Variants in CDH12 observed in about 807,000 individuals in gnomAD.
CDH12 encodes the protein cadherin-12.
Under a neutral mutation model 74.1 loss-of-function variants are expected in CDH12, and 41 were observed. That is an observed-to-expected ratio of 0.55 (90% CI 0.43 to 0.72). CDH12 has a LOEUF of 0.72. CDH12 is among the 30% of genes least tolerant of loss of function. The pLI is 0.00. For synonymous variants in CDH12, 399 were observed against 355.0 expected (o/e 1.12, Z -1.39); for missense variants, 945 against 977.2 (o/e 0.97, Z 0.44).
At chr5:22,456,363 G>C (rs1172428607) in intron 2 of CDH12, among the ~76,000 whole-genome samples, 3 of 151,636 alleles carry the variant, frequency 2.0e-5, no homozygotes, top group Non-Finnish European at 4.4e-5. Context: ...AGTGTGTATT[G>C]ACTCCTGTAC....
intron 4 of CDH12, among the ~76,000 whole-genome samples, chr5:22,132,872 A>C (rs1746252640): frequency 6.6e-6 from 1 of 152,088 alleles, no homozygotes; most frequent in Non-Finnish European, 1.5e-5. Flanking sequence ...AATTCCAAGG[A>C]GCCACTGCCT....
At chr5:22,505,631 A>G (rs910997021) in intron 1 of CDH12, among the ~76,000 whole-genome samples, 4 of 151,990 alleles carry the variant, frequency 2.6e-5, no homozygotes, top group African/African-American at 9.7e-5. Flanking sequence ...ATCCAAATGA[A>G]CCAATATTGA....
At chr5:22,225,863 A>G (rs1752176749) in intron 3 of CDH12, among the ~76,000 whole-genome samples, 1 of 152,122 alleles carries the variant, frequency 6.6e-6, no homozygotes, top group African/African-American at 2.4e-5. Context: ...AAAGTGAATC[A>G]TTTATAATGT....
chr5:22,038,526 T>A (rs571060818), intron 5 of CDH12, among the ~76,000 whole-genome samples: 1 of 152,284 alleles, frequency 6.6e-6, no homozygotes, highest in Admixed American at 6.5e-5. Flanking sequence ...CCATCTACTT[T>A]TCTCAATCCT....
chr5:22,387,616 T>C (rs933523095), intron 3 of CDH12, among the ~76,000 whole-genome samples: 1 of 152,180 alleles, frequency 6.6e-6, no homozygotes, highest in Non-Finnish European at 1.5e-5. Context: ...AAGTCAGTTA[T>C]CTCAGTAAAG....
chr5:22,607,718 C>A (rs1042043906), intron 1 of CDH12, among the ~76,000 whole-genome samples: 5 of 151,962 alleles, frequency 3.3e-5, no homozygotes, highest in African/African-American at 7.3e-5. Flanking sequence ...GGGCCCAGGA[C>A]CTTCTGCTGT....
chr5:22,326,446 G>A (rs922492621), intron 3 of CDH12, among the ~76,000 whole-genome samples: 5 of 151,986 alleles, frequency 3.3e-5, no homozygotes, highest in South Asian at 2.1e-4. Flanking sequence ...CGTGTTAGTC[G>A]GGATGGTCTT....
At chr5:22,346,195 T>C (rs1269492246) in intron 3 of CDH12, among the ~76,000 whole-genome samples, 1 of 151,926 alleles carries the variant, frequency 6.6e-6, no homozygotes, top group Non-Finnish European at 1.5e-5. Flanking sequence ...TTGCATCGTA[T>C]CTTGAATTCT....
At chr5:22,117,530 A>C (rs1320387018) in intron 4 of CDH12, among the ~76,000 whole-genome samples, 1 of 106,132 alleles carries the variant, frequency 9.4e-6, no homozygotes, top group Non-Finnish European at 1.8e-5. Context: ...TATAATATAT[A>C]TATATATATA....
At chr5:22,611,987 T>TCATG (rs1391078932) in intron 1 of CDH12, among the ~76,000 whole-genome samples, 1 of 152,138 alleles carries the variant, frequency 6.6e-6, no homozygotes, top group Non-Finnish European at 1.5e-5. Context: ...TTTTTCCTCT[T>TCATG]CATGGCATTG....
At chr5:22,797,185 A>T (rs1461849033) in intron 1 of CDH12, among the ~76,000 whole-genome samples, 2 of 122,076 alleles carry the variant, frequency 1.6e-5, no homozygotes, top group African/African-American at 1.0e-4. Flanking sequence ...TGCCTTTATA[A>T]AAAAAAAAAA....
intron 6 of CDH12, among the ~76,000 whole-genome samples, chr5:21,963,382 A>C (rs1756447332): frequency 1.3e-5 from 2 of 152,204 alleles, no homozygotes; most frequent in South Asian, 4.1e-4. Context: ...CAACCTACAA[A>C]ATGAGAGCAT....
intron 3 of CDH12, among the ~76,000 whole-genome samples, chr5:22,360,622 A>C (rs768565283): frequency 1.3e-5 from 2 of 152,218 alleles, no homozygotes; most frequent in African/African-American, 4.8e-5. Context: ...CAGAGACACA[A>C]CAAAAAAAAG....
At position 21,880,558 on chromosome 5, in the gene CDH12, C is replaced by CCCTTCTTT. The variant is rs1326937774; in HGVS notation, c.527-25769_527-25768insAAAGAAGG. ...CTTTTCCTTCCTTCCTTCCTTCCTTCCTTCCCTTCTTTCTTTCCTTCCTTC... is the reference window on the plus strand; with the variant it reads ...CTTTTCCTTCCTTCCTTCCTTCCTTCCCTTCTTTCTTCCCTTCTTTCTTTCCTTCCTTC... On this transcript the variant is annotated intron_variant, in intron 6 of 14. Coordinates refer to ENST00000382254, the MANE Select transcript of CDH12 (RefSeq NM_004061.5). Among the ~76,000 whole-genome samples the CCCTTCTTT allele has an allele frequency of 1.3e-4, 16 of 123,578 alleles. 2 individuals are homozygous for CCCTTCTTT. Among genetic ancestry groups the CCCTTCTTT allele is most frequent in the African/African-American group, 4.9e-4 (16 of 32,760 alleles). The allele number at this position is 123,578 out of a possible 152,430, so 81.1% of individuals were successfully genotyped here.
chr5:22,163,838 A>AT (rs1274003290), intron 4 of CDH12, among the ~76,000 whole-genome samples: 3 of 152,152 alleles, frequency 2.0e-5, no homozygotes, highest in Non-Finnish European at 4.4e-5. Context: ...TCCCTAGGTC[A>AT]TTTTTTCATC....
intron 1 of CDH12, among the ~76,000 whole-genome samples, chr5:22,792,469 T>C (rs1175167207): frequency 6.6e-6 from 1 of 152,210 alleles, no homozygotes; most frequent in Non-Finnish European, 1.5e-5. Context: ...AACAGAAATG[T>C]CTAACTTCTT....
chr5:22,816,875 T>C (rs1749420595), intron 1 of CDH12, among the ~76,000 whole-genome samples: 1 of 152,162 alleles, frequency 6.6e-6, no homozygotes, highest in African/African-American at 2.4e-5. Flanking sequence ...TATCTTTATG[T>C]ATTTGCCACA....
intron 5 of CDH12, among the ~76,000 whole-genome samples, chr5:21,990,778 A>C (rs906999174): frequency 6.6e-6 from 1 of 151,506 alleles, no homozygotes; most frequent in Admixed American, 6.6e-5. Context: ...GTAGATACAG[A>C]AATTGAGGGA....
intron 4 of CDH12, among the ~76,000 whole-genome samples, chr5:22,107,772 C>T (rs1032907873): frequency 2.6e-5 from 4 of 152,176 alleles, no homozygotes; most frequent in Non-Finnish European, 5.9e-5. Flanking sequence ...CTATAATCTA[C>T]TTTTCCTATG....
Sources: allele counts gnomAD v4.1 joint callset (sites outside exome capture counted in the v4.1 genomes callset), GRCh38; gene constraint gnomAD v4.1.1; transcripts MANE v1.5; gene names NCBI Gene and HGNC (gene_info 2026-07-23, HGNC 2026-07-21).